The following RAB42 variants were observed in gnomAD, a reference collection of about 807,000 sequenced individuals.
RAB42 encodes the protein RAB42, member RAS oncogene family, also known as ras-related protein Rab-42.
A neutral mutation model predicts 7.5 loss-of-function variants in RAB42; 4 were observed. The observed-to-expected ratio is 0.53, with a 90% confidence interval of 0.26 to 1.22. RAB42 has a LOEUF of 1.22. RAB42 is among the 50% of genes most tolerant of loss of function. RAB42 has a pLI of 0.13. For synonymous variants in RAB42, 82 were observed against 129.0 expected (o/e 0.64, Z 2.47); for missense variants, 208 against 281.2 (o/e 0.74, Z 1.86).
chr1:28,595,909 G>A (rs773351749), downstream of RAB42, among the ~76,000 whole-genome samples: 4 of 151,908 alleles, frequency 2.6e-5, no homozygotes, highest in African/African-American at 9.7e-5. Context: ...GCAACACTCC[G>A]TCTCATAAAA....
In RAB42 at chr1:28,593,860, C is replaced by G; in HGVS notation, c.400C>G (p.Gln134Glu). Residue 134 changes from glutamine to glutamate, a missense_variant, in exon 2 of 2, where the codon CAG becomes GAG. Gln to Glu is a conservative substitution (Grantham distance 29). Coordinates refer to ENST00000465518, the MANE Select transcript of RAB42 (RefSeq NM_001193532.3). The stretch of plus-strand genomic sequence containing the variant: ...GCTGGTTGGCCACAAGAGTGACCTG[C>G]AGAGCACCCGCTGTGTCTCAGCCCA... The part of the protein sequence containing the change: ...FLLVGHKSDL[Q>E]STRCVSAQEA... 1 of 1,596,094 alleles carries G rather than the reference C, an allele frequency of 6.3e-7. No individual in the cohort carries two copies. The highest frequency in any genetic ancestry group is 1.1e-5 in the South Asian group (1 of 88,546).
chr1:28,593,633 G>T, intron 1 of RAB42, 61 bp from the exon 2 acceptor site: 1 of 1,462,788 alleles, frequency 6.8e-7, no homozygotes, highest in East Asian at 2.5e-5. Flanking sequence ...TCCTGCCTCT[G>T]GGGGTGTCAT....
chr1:28,593,300 T>C (rs1012406183), intron 1 of RAB42, among the ~76,000 whole-genome samples: 3 of 151,754 alleles, frequency 2.0e-5, no homozygotes, highest in African/African-American at 7.3e-5. Context: ...GCCTCCTGGG[T>C]TCACGCCATT....
rs1393481350 is a variant in RAB42 at position 28,595,001 on chromosome 1, G to C, written c.*884G>C. 6.0e-6 allele frequency: 1 copy of C among 167,190 alleles called. No homozygotes were observed. Among genetic ancestry groups the C allele is most frequent in the African/African-American group, 2.4e-5 (1 of 41,464 alleles). 10.4% of individuals were successfully genotyped at this position (167,190 alleles called of 1,614,324 possible). A position where few individuals can be genotyped will look rare whatever the true frequency, so the allele number is the denominator to read the frequency against. On this transcript the variant is annotated 3_prime_UTR_variant, in exon 2 of 2. Coordinates refer to ENST00000465518, the MANE Select transcript of RAB42 (RefSeq NM_001193532.3). The stretch of plus-strand genomic sequence containing the variant: ...CAGGGTTGCTGGCCAATGCCCCCCC[G>C]ACCAGGCCCAGGGGCTGAAAAATGG...
Position 28,594,192 on chromosome 1 carries a change from G to A in RAB42, c.*75G>A, listed in dbSNP as rs1481631296. On this transcript the variant is annotated 3_prime_UTR_variant, in exon 2 of 2. Coordinates refer to ENST00000465518, the MANE Select transcript of RAB42 (RefSeq NM_001193532.3). ...GGATGGGGAGTGTTAATATCTCTCT[G>A]GAGGACAAATGACAGAAGGGTTCAT... 1 of 1,352,378 alleles carries A rather than the reference G, an allele frequency of 7.4e-7. No homozygotes were observed. The highest frequency in any genetic ancestry group is 1.5e-5 in the African/African-American group (1 of 68,094). The allele number at this position is 1,352,378 out of a possible 1,614,324, so 83.8% of individuals were successfully genotyped here. A position where few individuals can be genotyped will look rare whatever the true frequency, so the allele number is the denominator to read the frequency against.
chr1:28,596,076 C>T (rs1191604634), downstream of RAB42, among the ~76,000 whole-genome samples: 1 of 151,936 alleles, frequency 6.6e-6, no homozygotes, highest in African/African-American at 2.4e-5. Context: ...TTCTTAGCTT[C>T]CTCCCCATGG....
In RAB42 at chr1:28,592,678, T is replaced by C. The variant is rs374460047; in HGVS notation, c.167T>C (p.Leu56Pro). The change falls in exon 1 of 2, where the codon CTG (leucine) becomes CCG (proline). Residue 56 changes from leucine to proline, a missense_variant. Transcript: ENST00000465518. This position sits in a 1 kb window ranked among gnomAD's most constrained non-coding sequence, Gnocchi z 4.1. ...TVGAECYRRA[L>P]QLRAGPRVKL... ...GGCGCCGAGTGCTACCGCCGCGCGC[T>C]GCAGCTGCGGGCCGGGCCGCGGGTC... The C allele has an allele frequency of 8.1e-7, 1 of 1,229,090 alleles. No individual in the cohort carries two copies. The allele number at this position is 1,229,090 out of a possible 1,614,324, so 76.1% of individuals were successfully genotyped here.
In RAB42 at chr1:28,592,997, C is replaced by A. The variant is rs1666353515; in HGVS notation, c.233+253C>A. Among the ~76,000 whole-genome samples, 2 of 152,062 alleles carry A rather than the reference C, an allele frequency of 1.3e-5. No homozygotes were observed. Among genetic ancestry groups the A allele is most frequent in the African/African-American group, 4.8e-5 (2 of 41,392 alleles). On this transcript the variant is annotated intron_variant, in intron 1 of 1. Transcript: ENST00000465518. This position sits in a 1 kb window ranked among gnomAD's most constrained non-coding sequence, Gnocchi z 4.1. Reference sequence around the variant, plus strand: ...TTGAGCTCTGGACTCTGGAGAGATGCTGAGTGATACTGGCCCCGGGTGCTG... The same window carrying A: ...TTGAGCTCTGGACTCTGGAGAGATGATGAGTGATACTGGCCCCGGGTGCTG...
In RAB42 at chr1:28,594,626, T is replaced by C. The variant is rs1666399948; in HGVS notation, c.*509T>C. On this transcript the variant is annotated 3_prime_UTR_variant, in exon 2 of 2. Coordinates refer to ENST00000465518, the MANE Select transcript of RAB42 (RefSeq NM_001193532.3). Reference sequence around the variant, plus strand: ...GGCCTGAGAGACCAGATGTGCAACTTCCTGTCCTTGAGCCTCAGTGTCCCT... The same window carrying C: ...GGCCTGAGAGACCAGATGTGCAACTCCCTGTCCTTGAGCCTCAGTGTCCCT... The C allele has an allele frequency of 6.0e-6, 1 of 167,240 alleles. No individual in the cohort carries two copies. The highest frequency in any genetic ancestry group is 1.5e-5 in the Non-Finnish European group (1 of 68,598). The allele number at this position is 167,240 out of a possible 1,614,324, so 10.4% of individuals were successfully genotyped here.
Position 28,592,454 on chromosome 1 carries a change from G to T in RAB42, c.-58G>T. 1.1e-6 allele frequency: 1 copy of T among 942,240 alleles called. No homozygotes were observed. Among genetic ancestry groups the T allele is most frequent in the South Asian group, 5.1e-5 (1 of 19,560 alleles). 58.4% of individuals were successfully genotyped at this position (942,240 alleles called of 1,614,324 possible). On this transcript the variant is annotated 5_prime_UTR_variant, in exon 1 of 2. Transcript: ENST00000465518. This position sits in a 1 kb window ranked among gnomAD's most constrained non-coding sequence, Gnocchi z 4.1. ...GCGGCGCCGGCGGGGCCCCGGGCAG[G>T]GGCGGGGTCGGGGCGCGGACAAAAC...
At position 28,594,184 on chromosome 1, in the gene RAB42, A is replaced by G; in HGVS notation, c.*67A>G. The stretch of plus-strand genomic sequence containing the variant: ...ACCTGGTGGGATGGGGAGTGTTAAT[A>G]TCTCTCTGGAGGACAAATGACAGAA... On this transcript the variant is annotated 3_prime_UTR_variant, in exon 2 of 2. Coordinates refer to ENST00000465518, the MANE Select transcript of RAB42 (RefSeq NM_001193532.3). 1.4e-6 allele frequency: 2 copies of G among 1,390,716 alleles called. No homozygotes were observed. Among genetic ancestry groups the G allele is most frequent in the South Asian group, 2.9e-5 (2 of 69,568 alleles). 86.1% of individuals were successfully genotyped at this position (1,390,716 alleles called of 1,614,324 possible).
rs1666378880 is a variant in RAB42 at position 28,593,938 on chromosome 1, G to C, written c.478G>C (p.Val160Leu). Reference sequence around the variant, plus strand: ...GGGCATGGCCTTCGTGGAGACCTCGGTTAAAAACAACTGCAATGTGGACCT... The same window carrying C: ...GGGCATGGCCTTCGTGGAGACCTCGCTTAAAAACAACTGCAATGTGGACCT... ...SLGMAFVETSVKNNCNVDLAF... is the reference protein window; with the variant it reads ...SLGMAFVETSLKNNCNVDLAF... The change falls in exon 2 of 2, where the codon GTT (valine) becomes CTT (leucine). Residue 160 changes from valine to leucine, a missense_variant. Val to Leu is a conservative substitution (Grantham distance 32). Transcript: ENST00000465518. The C allele has an allele frequency of 3.7e-6, 6 of 1,613,676 alleles. No homozygotes were observed. In the South Asian group the frequency reaches 6.6e-5, roughly 18 times the overall value.
chr1:28,592,404 G>T lies in RAB42; in HGVS notation c.-108G>T. The stretch of plus-strand genomic sequence containing the variant: ...ACGCCCTCGGTGCCCCGCCGGGTAC[G>T]GTGGCTGGGCGCGGGGAGCGGGGGG... On this transcript the variant is annotated 5_prime_UTR_variant, in exon 1 of 2. Transcript: ENST00000465518. The surrounding 1 kb of genome is among the most constrained non-coding windows in gnomAD (Gnocchi z 4.1). The T allele has an allele frequency of 2.6e-6, 1 of 392,056 alleles. No homozygotes were observed. Among genetic ancestry groups the T allele is most frequent in the Non-Finnish European group, 3.7e-6 (1 of 267,532 alleles). The allele number at this position is 392,056 out of a possible 1,614,324, so 24.3% of individuals were successfully genotyped here. A position where few individuals can be genotyped will look rare whatever the true frequency, so the allele number is the denominator to read the frequency against.
rs1211535004 is a variant in RAB42, at chr1:28,594,679, C to T, written c.*562C>T. 1 of 167,194 alleles carries T rather than the reference C, an allele frequency of 6.0e-6. No individual in the cohort carries two copies. The highest frequency in any genetic ancestry group is 1.9e-4 in the East Asian group (1 of 5,208). The allele number at this position is 167,194 out of a possible 1,614,324, so 10.4% of individuals were successfully genotyped here. A position where few individuals can be genotyped will look rare whatever the true frequency, so the allele number is the denominator to read the frequency against. ...CTATCGATGGGGCTCATAAAAGATC[C>T]CACCTTGAAGGGAGGTGGTGACCAC... is the stretch of plus-strand genomic sequence containing the variant. On this transcript the variant is annotated 3_prime_UTR_variant, in exon 2 of 2. Transcript: ENST00000465518.
Position 28,592,760 on chromosome 1 carries a change from G to A in RAB42, c.233+16G>A, listed in dbSNP as rs1255865436. The stretch of plus-strand genomic sequence containing the variant: ...AGCGCTTCAGGTGCGGGTAGCCGGG[G>A]CGCGGGAGGGACTTCTGGTGGGGGG... On this transcript the variant is annotated intron_variant, in intron 1 of 1. Transcript: ENST00000465518. The surrounding 1 kb of genome is among the most constrained non-coding windows in gnomAD (Gnocchi z 4.1). 2 of 1,184,182 alleles carry A rather than the reference G, an allele frequency of 1.7e-6. No homozygotes were observed. The highest frequency in any genetic ancestry group is 4.2e-5 in the Admixed American group (1 of 23,612). 73.4% of individuals were successfully genotyped at this position (1,184,182 alleles called of 1,614,324 possible).
chr1:28,593,199 TTTTTC>T (rs1334760803), intron 1 of RAB42, among the ~76,000 whole-genome samples: 87 of 151,268 alleles, frequency 5.8e-4, no homozygotes, highest in Admixed American at 1.6e-3. Context: ...CACCCAGACT[TTTTTC>T]TTTTCTTTTT....
chr1:28,592,423 C>A lies in RAB42; in HGVS notation c.-89C>A. The stretch of plus-strand genomic sequence containing the variant: ...GGGTACGGTGGCTGGGCGCGGGGAG[C>A]GGGGGGCGGCGCCGGCGGGGCCCCG... On this transcript the variant is annotated 5_prime_UTR_variant, in exon 1 of 2. Transcript: ENST00000465518. This position sits in a 1 kb window ranked among gnomAD's most constrained non-coding sequence, Gnocchi z 4.1. 3.7e-6 allele frequency: 2 copies of A among 540,680 alleles called. No homozygotes were observed. The highest frequency in any genetic ancestry group is 8.1e-5 in the South Asian group (1 of 12,304). The allele number at this position is 540,680 out of a possible 1,614,324, so 33.5% of individuals were successfully genotyped here.
chr1:28,594,377 C>T lies in RAB42; in HGVS notation c.*260C>T. On this transcript the variant is annotated 3_prime_UTR_variant, in exon 2 of 2. Transcript: ENST00000465518. ...ATCACCTGAGGTCAGGGGTTCGAGA[C>T]CAGCCTGGCCAACATGGTGAAACCC... 1 of 401,842 alleles carries T rather than the reference C, an allele frequency of 2.5e-6. No homozygotes were observed. The highest frequency in any genetic ancestry group is 4.5e-6 in the Non-Finnish European group (1 of 219,808). 24.9% of individuals were successfully genotyped at this position (401,842 alleles called of 1,614,324 possible). A position where few individuals can be genotyped will look rare whatever the true frequency, so the allele number is the denominator to read the frequency against.
intron 1 of RAB42, 31 bp from the exon 2 acceptor site, chr1:28,593,663 A>G (rs1306684476): frequency 1.2e-5 from 18 of 1,510,984 alleles, no homozygotes; most frequent in Non-Finnish European, 1.6e-5. Flanking sequence ...AGCCTCTCCC[A>G]GCTTACCTTT....
Sources: allele counts gnomAD v4.1 joint callset (sites outside exome capture counted in the v4.1 genomes callset), GRCh38; gene constraint gnomAD v4.1.1; non-coding constraint Gnocchi (gnomAD v3.1); transcripts MANE v1.5; gene names NCBI Gene and HGNC (gene_info 2026-07-23, HGNC 2026-07-21).